The following VRTN variants were observed in gnomAD, a reference collection of about 807,000 sequenced individuals.
VRTN encodes vertebrae development associated, also known as vertnin.
VRTN carries 5 observed loss-of-function variants against 18.2 expected under a neutral mutation model. The observed-to-expected ratio is 0.27, with a 90% CI of 0.14 to 0.58. VRTN has a LOEUF of 0.58. VRTN is among the 20% of genes least tolerant of loss of function. VRTN has a pLI of 0.91. For missense variants in VRTN, 741 were observed against 939.4 expected, an observed-to-expected ratio of 0.79 and a Z score of 2.76; for synonymous variants, 381 against 393.7, an observed-to-expected ratio of 0.97 and a Z score of 0.38.
At chr14:74,336,468 T>C (rs141941084) in intron 1 of VRTN, among the ~76,000 whole-genome samples, 1 of 152,190 alleles carries the variant, frequency 6.6e-6, no homozygotes, top group Admixed American at 6.5e-5. Flanking sequence ...GTTTGCTCCA[T>C]TTATAGTCTC....
Position 74,331,589 on chromosome 14 carries a change from T to TAC in VRTN, c.-163-6132_-163-6131dup, listed in dbSNP as rs1555411085. 3.1e-4 allele frequency among the ~76,000 whole-genome samples: 36 copies of TAC among 114,952 alleles called. 1 individual carries two copies. The South Asian group carries it at 4.1e-3, about 13-fold the overall frequency. 75.4% of individuals were successfully genotyped at this position (114,952 alleles called of 152,430 possible). On this transcript the variant is annotated intron_variant, in intron 1 of 2. Transcript: ENST00000557177. ...ATATATATATATATATATATATATA[T>TAC]ACAAAAAAGAAAACACACAAGTCTG... is the stretch of plus-strand genomic sequence containing the variant.
chr14:74,339,889 T>C (rs542877126), intron 2 of VRTN, among the ~76,000 whole-genome samples: 3 of 152,246 alleles, frequency 2.0e-5, no homozygotes, highest in African/African-American at 4.8e-5. Flanking sequence ...AAGGCCTTTG[T>C]TTACAGTGAA....
chr14:74,341,865 T>C (rs1261296738), intron 2 of VRTN, among the ~76,000 whole-genome samples: 1 of 152,190 alleles, frequency 6.6e-6, no homozygotes, highest in Admixed American at 6.5e-5. Context: ...CCTCTGCTTC[T>C]GAAATCTGAA....
chr14:74,316,883 C>T (rs375815148), intron 1 of VRTN, among the ~76,000 whole-genome samples: 10 of 151,828 alleles, frequency 6.6e-5, no homozygotes, highest in Admixed American at 6.6e-4. Flanking sequence ...GTGATCCGCC[C>T]GTCTCGGCCT....
intron 1 of VRTN, among the ~76,000 whole-genome samples, chr14:74,331,319 G>A (rs980122163): frequency 6.6e-6 from 1 of 151,768 alleles, no homozygotes; most frequent in Non-Finnish European, 1.5e-5. Context: ...CCTGAGGTCA[G>A]GAGTTCGAGA....
chr14:74,358,631 G>A lies in VRTN; in HGVS notation c.1848G>A (p.Gln616=). 1 of 1,607,294 alleles carries A rather than the reference G, an allele frequency of 6.2e-7. No homozygotes were observed. Among genetic ancestry groups the A allele is most frequent in the Non-Finnish European group, 8.5e-7 (1 of 1,176,480 alleles). The part of the protein sequence containing the change: ...EGALQEGATA[Q]GQPHSGPLLS... The stretch of plus-strand genomic sequence containing the variant: ...CCCTGCAGGAGGGGGCCACAGCCCA[G>A]GGCCAGCCCCACAGTGGGCCCTTGC... Residue 616 remains glutamine, a synonymous_variant, in exon 2 of 2, where the codon CAG becomes CAA. Transcript: ENST00000256362. This position sits in a 1 kb window ranked among gnomAD's most constrained non-coding sequence, Gnocchi z 5.4.
Position 74,358,765 on chromosome 14 carries a change from A to G in VRTN, c.1982A>G (p.Lys661Arg), listed in dbSNP as rs1243962348. Residue 661 changes from lysine to arginine, a missense_variant, in exon 2 of 2, where the codon AAG (lysine) becomes AGG (arginine). By Grantham distance (26) the Lys-to-Arg change is conservative. Coordinates refer to ENST00000256362, the MANE Select transcript of VRTN (RefSeq NM_018228.3). This position sits in a 1 kb window ranked among gnomAD's most constrained non-coding sequence, Gnocchi z 5.4. The stretch of plus-strand genomic sequence containing the variant: ...GCCCAGGCCAAGCTGTTCTTGCAGA[A>G]GCGCTTCCAGTCCAAGAGCTTTCCC... ...FKAQAKLFLQ[K>R]RFQSKSFPSY... The G allele has an allele frequency of 6.2e-7, 1 of 1,614,130 alleles. No individual in the cohort carries two copies. The highest frequency in any genetic ancestry group is 1.7e-5 in the Admixed American group (1 of 60,016).
chr14:74,358,911 G>T lies in VRTN; in HGVS notation c.*19G>T, dbSNP rs760349380. 2 of 1,593,404 alleles carry T rather than the reference G, an allele frequency of 1.3e-6. No individual in the cohort carries two copies. Among genetic ancestry groups the T allele is most frequent in the East Asian group, 2.2e-5 (1 of 44,656 alleles). ...TGGCTGACAGGGAGGTACAAAAGGG[G>T]CTGGGAAGAAGGGGGACCAGTTTGG... is the stretch of plus-strand genomic sequence containing the variant. On this transcript the variant is annotated 3_prime_UTR_variant, in exon 2 of 2. Coordinates refer to ENST00000256362, the MANE Select transcript of VRTN (RefSeq NM_018228.3). The surrounding 1 kb of genome is among the most constrained non-coding windows in gnomAD (Gnocchi z 5.4).
chr14:74,330,484 C>A (rs1442490029), intron 1 of VRTN, among the ~76,000 whole-genome samples: 1 of 151,114 alleles, frequency 6.6e-6, no homozygotes. Flanking sequence ...TCTTGTTGCC[C>A]AGGCTGGAGT....
intron 1 of VRTN, among the ~76,000 whole-genome samples, chr14:74,325,109 C>G (rs1695938459): frequency 6.6e-6 from 1 of 151,928 alleles, no homozygotes; most frequent in Non-Finnish European, 1.5e-5. Flanking sequence ...AGGTTTTTCG[C>G]ATCTTGGGAA....
rs749231605 is a variant in VRTN at position 74,358,697 on chromosome 14, C to T, written c.1914C>T (p.Gly638=). 12 of 1,613,952 alleles carry T rather than the reference C, an allele frequency of 7.4e-6. No homozygotes were observed. The highest frequency in any genetic ancestry group is 1.0e-5 in the Non-Finnish European group (12 of 1,179,922). The change falls in exon 2 of 2, where the codon GGC becomes GGT. Residue 638 remains glycine, a synonymous_variant. Transcript: ENST00000256362. This position sits in a 1 kb window ranked among gnomAD's most constrained non-coding sequence, Gnocchi z 5.4. ...TGGCAGCAGCGGGTGGCAGGGATGG[C>T]CGGATGCTGGTGATGGACATGATCG... The part of the protein sequence containing the change: ...PVVAAAGGRD[G]RMLVMDMIAT...
chr14:74,333,374 C>T (rs943067167), intron 1 of VRTN, among the ~76,000 whole-genome samples: 4 of 151,964 alleles, frequency 2.6e-5, no homozygotes, highest in African/African-American at 9.7e-5. Context: ...CAGAGCGAGA[C>T]TCCATCTCAA....
chr14:74,340,146 CT>C (rs2085591956), intron 2 of VRTN, among the ~76,000 whole-genome samples: 1 of 127,122 alleles, frequency 7.9e-6, no homozygotes, highest in Admixed American at 8.9e-5. Flanking sequence ...GAGTTTTGCT[CT>C]TGTTGCCCAG....
At chr14:74,314,330 G>A (rs1325391252) in intron 1 of VRTN, among the ~76,000 whole-genome samples, 2 of 149,762 alleles carry the variant, frequency 1.3e-5, no homozygotes, top group Non-Finnish European at 3.0e-5. Context: ...TCAAAATTGT[G>A]TAATTGTATG....
At chr14:74,309,971 A>G (rs2085376873) in intron 1 of VRTN, among the ~76,000 whole-genome samples, 1 of 152,224 alleles carries the variant, frequency 6.6e-6, no homozygotes, top group East Asian at 1.9e-4. Flanking sequence ...ACAAAGGGTC[A>G]ATCACAAGGA....
intron 1 of VRTN, among the ~76,000 whole-genome samples, chr14:74,329,592 T>G (rs2085509025): frequency 6.6e-6 from 1 of 151,504 alleles, no homozygotes; most frequent in Non-Finnish European, 1.5e-5. Flanking sequence ...ATTTTTTTTT[T>G]TTTTGAGACG....
At chr14:74,353,808 C>T (rs965789371) in intron 1 of VRTN, among the ~76,000 whole-genome samples, 2 of 152,054 alleles carry the variant, frequency 1.3e-5, no homozygotes, top group Middle Eastern at 3.4e-3. Flanking sequence ...CTGTAAGCTC[C>T]GCCTCCCGGG....
rs760836818 is a variant in VRTN at position 74,357,758 on chromosome 14, C to T, written c.975C>T (p.His325=). The change falls in exon 2 of 2, where the codon CAC becomes CAT. Residue 325 remains histidine (H), a synonymous_variant. Transcript: ENST00000256362. The surrounding 1 kb of genome is among the most constrained non-coding windows in gnomAD (Gnocchi z 7.8). ...AGCACTTCCTGCAGGACAGCTTCCA[C>T]CGGGGGGGCGTCGTGCCACTTCAGC... is the stretch of plus-strand genomic sequence containing the variant. ...SAKHFLQDSF[H]RGGVVPLQQF... is the part of the protein sequence containing the mutation. 3 of 1,613,282 alleles carry T rather than the reference C, an allele frequency of 1.9e-6. No homozygotes were observed. The highest frequency in any genetic ancestry group is 2.5e-6 in the Non-Finnish European group (3 of 1,180,044).
chr14:74,317,079 T>C (rs1015406727), intron 1 of VRTN, among the ~76,000 whole-genome samples: 1 of 152,098 alleles, frequency 6.6e-6, no homozygotes, highest in Admixed American at 6.6e-5. Context: ...TTTGAATCTT[T>C]ATTGTTACAG....
Sources: gnomAD v4.1 joint callset for allele counts (sites outside exome capture counted in the v4.1 genomes callset) on GRCh38, gnomAD v4.1.1 for gene constraint, Gnocchi (gnomAD v3.1) non-coding constraint, MANE v1.5 for transcripts, NCBI Gene and HGNC (gene_info 2026-07-23, HGNC 2026-07-21) for gene names.